Variants in SCIN observed in about 807,000 individuals in gnomAD.
SCIN encodes the protein scinderin, also known as adseverin.
In SCIN, 91 loss-of-function variants were observed where a neutral mutation model predicts 91.8. The observed-to-expected ratio is 0.99, with a 90% CI of 0.84 to 1.18. The LOEUF is 1.18. Ranked by LOEUF, SCIN falls within the 50% of genes most tolerant of loss-of-function variation. The pLI is 0.00. For missense variants in SCIN, 1,087 were observed against 863.9 expected, an observed-to-expected ratio of 1.26 and a Z score of -3.24; for synonymous variants, 367 against 312.6, an observed-to-expected ratio of 1.17 and a Z score of -1.84.
At chr7:12,615,673 G>A (rs74515284) in intron 4 of SCIN, among the ~76,000 whole-genome samples, 1,659 of 152,012 alleles carry the variant, frequency 0.011, 37 homozygotes, top group African/African-American at 0.037. Context: ...AATTACAGGG[G>A]CATTTGGTTT....
At chr7:12,602,888 G>A (rs559152784) in intron 3 of SCIN, among the ~76,000 whole-genome samples, 1 of 152,208 alleles carries the variant, frequency 6.6e-6, no homozygotes, top group South Asian at 2.1e-4. Context: ...CTGAGGTGAC[G>A]TACATCTTCA....
At chr7:12,644,109 T>C (rs1190998957) in intron 11 of SCIN, 29 bp from the exon 12 acceptor site, 2 of 1,586,098 alleles carry the variant, frequency 1.3e-6, no homozygotes, top group Non-Finnish European at 1.7e-6. Flanking sequence ...TGAATTTGAA[T>C]CATTGTTTTA....
chr7:12,636,138 T>G lies in SCIN; in HGVS notation c.1410+3T>G. 3 of 1,609,474 alleles carry G rather than the reference T, an allele frequency of 1.9e-6. No homozygotes were observed. Among genetic ancestry groups the G allele is most frequent in the Non-Finnish European group, 2.5e-6 (3 of 1,177,434 alleles). On this transcript the variant is annotated splice_donor_region_variant and intron_variant, in intron 10 of 15. Transcript: ENST00000297029. ...CCCTTGGAGGACAGGCTGTGCAGGT[T>G]GGGATATTTTTACCCCCAAAACTCA...
chr7:12,570,740 A>G lies in SCIN; in HGVS notation c.-47A>G, dbSNP rs553535400. 12 of 1,535,334 alleles carry G rather than the reference A, an allele frequency of 7.8e-6. No homozygotes were observed. In the East Asian group the frequency reaches 2.5e-4, roughly 31 times the overall value. ...CCTCCTGCTGCTCTCGGTTTAGTCC[A>G]AGATCAGCGATATCACGCGTCCCCC... On this transcript the variant is annotated 5_prime_UTR_variant, in exon 1 of 16. Coordinates refer to ENST00000297029, the MANE Select transcript of SCIN (RefSeq NM_001112706.3).
intron 10 of SCIN, among the ~76,000 whole-genome samples, chr7:12,636,349 T>C (rs796369331): frequency 6.6e-5 from 10 of 152,244 alleles, no homozygotes; most frequent in African/African-American, 2.4e-4. Context: ...CAAAAATCTA[T>C]CAACAGGTGT....
intron 4 of SCIN, among the ~76,000 whole-genome samples, chr7:12,609,913 A>G (rs966810014): frequency 2.0e-5 from 3 of 152,128 alleles, no homozygotes; most frequent in African/African-American, 7.2e-5. Context: ...TTATGTCTCC[A>G]TTAATAACTG....
chr7:12,649,564 A>G lies in SCIN; in HGVS notation c.1959+20A>G, dbSNP rs752883771. On this transcript the variant is annotated intron_variant, in intron 14 of 15. Transcript: ENST00000297029. ...GAACAGGTAAAACTACATTTTGTTCATAAGAAGAGAATGCATTTTTGGTTG... is the reference window on the plus strand; with the variant it reads ...GAACAGGTAAAACTACATTTTGTTCGTAAGAAGAGAATGCATTTTTGGTTG... The G allele has an allele frequency of 3.2e-6, 5 of 1,545,708 alleles. No individual in the cohort carries two copies. Among genetic ancestry groups the G allele is most frequent in the East Asian group, 2.3e-5 (1 of 43,490 alleles).
intron 5 of SCIN, among the ~76,000 whole-genome samples, chr7:12,623,692 T>C (rs1783456626): frequency 6.6e-6 from 1 of 152,184 alleles, no homozygotes; most frequent in Non-Finnish European, 1.5e-5. Context: ...AGTTTTCTCA[T>C]CTGTAACAGA....
At chr7:12,599,501 T>A (rs980701546) in intron 3 of SCIN, among the ~76,000 whole-genome samples, 10 of 152,136 alleles carry the variant, frequency 6.6e-5, no homozygotes, top group African/African-American at 2.4e-4. Flanking sequence ...GTATCTTTTT[T>A]ATATAATGAC....
intron 11 of SCIN, among the ~76,000 whole-genome samples, chr7:12,642,584 T>C (rs190264122): frequency 6.7e-6 from 1 of 150,240 alleles, no homozygotes; most frequent in Non-Finnish European, 1.5e-5. Context: ...GCCACCTCAA[T>C]CAGGTATCCA....
chr7:12,602,116 C>G (rs1044401457), intron 3 of SCIN, among the ~76,000 whole-genome samples: 3 of 152,130 alleles, frequency 2.0e-5, no homozygotes, highest in Non-Finnish European at 4.4e-5. Context: ...CATCAGCTGG[C>G]TGAGAAATAA....
chr7:12,597,110 G>A (rs1782858879), intron 3 of SCIN, among the ~76,000 whole-genome samples: 2 of 152,090 alleles, frequency 1.3e-5, no homozygotes, highest in Non-Finnish European at 2.9e-5. Flanking sequence ...GAGTTGAGCT[G>A]GCTTTGAGGA....
At chr7:12,624,890 C>A (rs1783479914) in intron 5 of SCIN, 120 bp from the exon 6 acceptor site, 17 of 932,364 alleles carry the variant, frequency 1.8e-5, no homozygotes, top group Non-Finnish European at 2.6e-5. Context: ...TTAAAGTGTA[C>A]AATTCAATGC....
chr7:12,614,910 C>CT (rs1257167004), intron 4 of SCIN, among the ~76,000 whole-genome samples: 1 of 152,176 alleles, frequency 6.6e-6, no homozygotes, highest in East Asian at 1.9e-4. Context: ...CAAATGAACT[C>CT]TAAGTTAGAT....
chr7:12,601,690 A>G (rs1292450271), intron 3 of SCIN, among the ~76,000 whole-genome samples: 1 of 152,226 alleles, frequency 6.6e-6, no homozygotes, highest in African/African-American at 2.4e-5. Context: ...TACAGTAAAC[A>G]TTGAAGGCTT....
chr7:12,642,238 C>A (rs1783872645), intron 11 of SCIN, among the ~76,000 whole-genome samples: 1 of 152,070 alleles, frequency 6.6e-6, no homozygotes, highest in Admixed American at 6.6e-5. Context: ...CCGGATCCTT[C>A]CCTCTTTTGC....
chr7:12,571,012 C>T, intron 1 of SCIN, 27 bp downstream of exon 1: 1 of 1,539,444 alleles, frequency 6.5e-7, no homozygotes, highest in East Asian at 2.5e-5. Context: ...GGCGGGACCC[C>T]GACGCACCAA....
At chr7:12,590,202 T>A (rs527701425) in intron 3 of SCIN, among the ~76,000 whole-genome samples, 2 of 152,256 alleles carry the variant, frequency 1.3e-5, no homozygotes, top group South Asian at 4.1e-4. Context: ...TCTGAAGAGG[T>A]AGGAAATGCT....
At chr7:12,605,069 T>C (rs930892706) in intron 4 of SCIN, among the ~76,000 whole-genome samples, 1 of 152,156 alleles carries the variant, frequency 6.6e-6, no homozygotes, top group Admixed American at 6.5e-5. Context: ...TTTTTGTTTT[T>C]GAGACGGAGT....
Sources: gnomAD v4.1 joint callset for allele counts (sites outside exome capture counted in the v4.1 genomes callset) on GRCh38, gnomAD v4.1.1 for gene constraint, MANE v1.5 for transcripts, NCBI Gene and HGNC (gene_info 2026-07-23, HGNC 2026-07-21) for gene names.